Variants in THSD4 observed in about 807,000 individuals in gnomAD.
THSD4 encodes the protein thrombospondin type-1 domain-containing protein 4.
A neutral mutation model predicts 119.0 loss-of-function variants in THSD4; 69 were observed. The observed-to-expected ratio is 0.58, with a 90% CI of 0.48 to 0.71. The LOEUF is 0.71. Among genes scored for constraint, THSD4 ranks in the 30% least tolerant of loss-of-function variants. The pLI, the probability that THSD4 is intolerant of heterozygous loss-of-function variation, is 0.00. For missense variants in THSD4, 1,393 were observed against 1,391.1 expected (o/e 1.00, Z -0.02); for synonymous variants, 524 against 540.4 (o/e 0.97, Z 0.42).
At chr15:71,191,105 T>G (rs1394429993) in intron 3 of THSD4, among the ~76,000 whole-genome samples, 1 of 152,198 alleles carries the variant, frequency 6.6e-6, no homozygotes, top group African/African-American at 2.4e-5. Context: ...ATTCCTTCTC[T>G]GTGTCCTTTA....
chr15:71,237,596 G>A (rs902536866), intron 4 of THSD4, among the ~76,000 whole-genome samples: 10 of 152,160 alleles, frequency 6.6e-5, no homozygotes, highest in Non-Finnish European at 8.8e-5. Context: ...TGCTAGACCC[G>A]CTGAAGCAGA....
intron 14 of THSD4, among the ~76,000 whole-genome samples, chr15:71,757,157 C>T (rs1235780618): frequency 6.6e-6 from 1 of 152,102 alleles, no homozygotes; most frequent in Non-Finnish European, 1.5e-5. Flanking sequence ...GGGGCTGGGT[C>T]ACTTGCTCCA....
chr15:71,759,387 G>A (rs2053595072), intron 15 of THSD4, among the ~76,000 whole-genome samples: 1 of 152,158 alleles, frequency 6.6e-6, no homozygotes, highest in South Asian at 2.1e-4. Flanking sequence ...TAACCTCTCT[G>A]AGCCTGTTTC....
At chr15:71,360,128 C>G (rs1294756949) in intron 6 of THSD4, among the ~76,000 whole-genome samples, 5 of 152,170 alleles carry the variant, frequency 3.3e-5, no homozygotes, top group Non-Finnish European at 7.4e-5. Flanking sequence ...GCTCACTTAT[C>G]TGGCACGTGG....
At chr15:71,383,257 T>G (rs1566963446) in intron 6 of THSD4, among the ~76,000 whole-genome samples, 2 of 152,222 alleles carry the variant, frequency 1.3e-5, no homozygotes, top group Non-Finnish European at 2.9e-5. Context: ...GGCCTTTGTT[T>G]TAACCTCAGA....
chr15:71,684,703 C>A (rs1228133138), intron 8 of THSD4, among the ~76,000 whole-genome samples: 2 of 151,906 alleles, frequency 1.3e-5, no homozygotes, highest in Non-Finnish European at 2.9e-5. Flanking sequence ...TTTTTAAAAT[C>A]TGTATTCCGA....
intron 7 of THSD4, among the ~76,000 whole-genome samples, chr15:71,514,496 T>A (rs1453720343): frequency 1.3e-5 from 2 of 152,226 alleles, no homozygotes; most frequent in East Asian, 3.8e-4. Flanking sequence ...ATGTTACAAA[T>A]CAATTCTTGT....
At chr15:71,548,245 C>T (rs1360255517) in intron 7 of THSD4, among the ~76,000 whole-genome samples, 1 of 152,152 alleles carries the variant, frequency 6.6e-6, no homozygotes, top group Admixed American at 6.5e-5. Flanking sequence ...AACGTATTTC[C>T]CTCATCCACT....
intron 7 of THSD4, among the ~76,000 whole-genome samples, chr15:71,476,178 G>A (rs1434968895): frequency 6.6e-6 from 1 of 152,178 alleles, no homozygotes; most frequent in Non-Finnish European, 1.5e-5. Flanking sequence ...GTATAGCTGG[G>A]ATAATTGTTT....
At chr15:71,164,976 C>A in intron 3 of THSD4, 1 of 1,597,066 alleles carries the variant, frequency 6.3e-7, no homozygotes, top group Non-Finnish European at 8.6e-7. Flanking sequence ...AGCTTCGCAG[C>A]CTTCTTTTCA....
intron 7 of THSD4, among the ~76,000 whole-genome samples, chr15:71,609,167 T>C (rs139865988): frequency 6.6e-6 from 1 of 152,262 alleles, no homozygotes; most frequent in African/African-American, 2.4e-5. Flanking sequence ...TGAAGACTGG[T>C]AATGTGAAGA....
At chr15:71,125,054 A>T (rs1197265194) in intron 1 of THSD4, among the ~76,000 whole-genome samples, 1 of 152,100 alleles carries the variant, frequency 6.6e-6, no homozygotes, top group Non-Finnish European at 1.5e-5. Flanking sequence ...AACCTGGGTG[A>T]CAGAGTGAGA....
chr15:71,750,679 C>G (rs1377858476), intron 14 of THSD4, among the ~76,000 whole-genome samples: 2 of 152,200 alleles, frequency 1.3e-5, no homozygotes, highest in Admixed American at 1.3e-4. Context: ...TCTGACTGTG[C>G]CCCCAGTCCC....
At chr15:71,225,274 GC>G (rs2044006643) in intron 4 of THSD4, among the ~76,000 whole-genome samples, 1 of 151,974 alleles carries the variant, frequency 6.6e-6, no homozygotes, top group Non-Finnish European at 1.5e-5. Context: ...AGAATAAAGA[GC>G]TTTGTATCCC....
At chr15:71,773,279 G>A (rs1213237200) in intron 17 of THSD4, among the ~76,000 whole-genome samples, 1 of 150,920 alleles carries the variant, frequency 6.6e-6, no homozygotes, top group Non-Finnish European at 1.5e-5. Flanking sequence ...TCTCAGGCCA[G>A]ATAATATAAC....
chr15:71,468,982 G>A (rs75680857), intron 7 of THSD4, among the ~76,000 whole-genome samples: 3,830 of 152,298 alleles, frequency 0.025, 74 homozygotes, highest in South Asian at 0.064. Context: ...AGGTATTTGC[G>A]TGTCTGAAAC....
chr15:71,656,583 C>T (rs1328604885), intron 7 of THSD4, among the ~76,000 whole-genome samples: 1 of 152,178 alleles, frequency 6.6e-6, no homozygotes, highest in Admixed American at 6.5e-5. Context: ...ATGCTTTGAA[C>T]TTGTTCCTCT....
At chr15:71,665,746 A>C (rs974134046) in intron 8 of THSD4, among the ~76,000 whole-genome samples, 2 of 152,158 alleles carry the variant, frequency 1.3e-5, no homozygotes, top group Non-Finnish European at 2.9e-5. Flanking sequence ...CCACTTATTG[A>C]ATAGGGAGTC....
At chr15:71,329,153 T>C (rs950918731) in intron 6 of THSD4, among the ~76,000 whole-genome samples, 1 of 152,112 alleles carries the variant, frequency 6.6e-6, no homozygotes, top group Non-Finnish European at 1.5e-5. Flanking sequence ...TGGCTCAGAG[T>C]TAAATTTAGA....
Sources: gnomAD v4.1 joint callset for allele counts (sites outside exome capture counted in the v4.1 genomes callset) on GRCh38, gnomAD v4.1.1 for gene constraint, MANE v1.5 for transcripts, NCBI Gene and HGNC (gene_info 2026-07-23, HGNC 2026-07-21) for gene names.